NTN1: variants seen among roughly 807,000 people sequenced by gnomAD.
NTN1 encodes the protein netrin 1.
Under a neutral mutation model 54.2 loss-of-function variants are expected in NTN1, and 11 were observed. The ratio of observed to expected loss-of-function variants is 0.20; its 90% CI spans 0.13 to 0.34. The LOEUF (loss-of-function observed/expected upper bound fraction) is 0.34, where lower values mean the gene tolerates loss of function less well. Ranked by LOEUF, NTN1 falls within the 10% of genes least tolerant of loss-of-function variation. The pLI, the probability that NTN1 is intolerant of heterozygous loss-of-function variation, is 1.00. For missense variants in NTN1, 740 were observed against 893.1 expected, an observed-to-expected ratio of 0.83 and a Z score of 2.18; for synonymous variants, 371 against 382.0, an observed-to-expected ratio of 0.97 and a Z score of 0.33.
rs369638935 is a variant in NTN1 at position 9,106,320 on chromosome 17, T to G, written c.1019-56493T>G. On this transcript the variant is annotated intron_variant, in intron 2 of 6. Transcript: ENST00000173229. ...GTATCTTGGGGGCAGAATTTTTGTG[T>G]GAGTTATTATCAACCAAAGATGGTT... Among the ~76,000 whole-genome samples, 28 of 152,238 alleles carry G rather than the reference T, an allele frequency of 1.8e-4. 1 individual carries two copies. The highest frequency in any genetic ancestry group is 6.7e-4 in the African/African-American group (28 of 41,534).
At chr17:9,164,356 C>T (rs2092367690) in intron 3 of NTN1, among the ~76,000 whole-genome samples, 2 of 150,370 alleles carry the variant, frequency 1.3e-5, no homozygotes, top group Non-Finnish European at 2.9e-5. Context: ...GCCTGGGAGG[C>T]GGAGGTTGCA....
intron 3 of NTN1, among the ~76,000 whole-genome samples, chr17:9,168,847 G>T (rs1011102096): frequency 6.6e-6 from 1 of 152,082 alleles, no homozygotes; most frequent in Non-Finnish European, 1.5e-5. Flanking sequence ...TTTTTTGTGG[G>T]GGGTGCAGGG....
chr17:9,076,540 T>C (rs2092050495), intron 2 of NTN1, among the ~76,000 whole-genome samples: 1 of 151,946 alleles, frequency 6.6e-6, no homozygotes, highest in Non-Finnish European at 1.5e-5. Context: ...GCTCAGTGAA[T>C]TTTTCAAATT....
chr17:9,085,793 A>C (rs557218797), intron 2 of NTN1, among the ~76,000 whole-genome samples: 16 of 152,262 alleles, frequency 1.1e-4, no homozygotes, highest in African/African-American at 3.8e-4. Flanking sequence ...AGCACCTGCT[A>C]TGTGCCAGGA....
intron 2 of NTN1, among the ~76,000 whole-genome samples, chr17:9,123,863 A>G (rs2092238113): frequency 6.6e-6 from 1 of 152,160 alleles, no homozygotes; most frequent in Non-Finnish European, 1.5e-5. Context: ...GTAAGTGGTA[A>G]AACACCATGA....
intron 2 of NTN1, among the ~76,000 whole-genome samples, chr17:9,122,040 T>C (rs77268838): frequency 1.3e-5 from 1 of 77,834 alleles, no homozygotes; most frequent in Non-Finnish European, 2.7e-5. Context: ...TGAGTTACAT[T>C]TTTTTTTTTT....
intron 5 of NTN1, among the ~76,000 whole-genome samples, chr17:9,200,691 T>A (rs1173102741): frequency 6.6e-6 from 1 of 152,236 alleles, no homozygotes; most frequent in East Asian, 1.9e-4. Flanking sequence ...TGTCCATTTA[T>A]TCATTTTCTC....
intron 2 of NTN1, among the ~76,000 whole-genome samples, chr17:9,048,951 C>A (rs75281346): frequency 6.6e-6 from 1 of 152,134 alleles, no homozygotes; most frequent in African/African-American, 2.4e-5. Context: ...CCACCGCGCC[C>A]GGCGGAAAAT....
At position 9,219,169 on chromosome 17, in the gene NTN1, G is replaced by A. The variant is rs953555685; in HGVS notation, c.1412-1999G>A. The stretch of plus-strand genomic sequence containing the variant: ...GCGGCTGTTCCTCACAGGGAAGTGC[G>A]GCCGCGGTGCTGATGGTGCTGATGG... On this transcript the variant is annotated intron_variant, in intron 5 of 6. Transcript: ENST00000173229. The surrounding 1 kb of genome is among the most constrained non-coding windows in gnomAD (Gnocchi z 4.5). Among the ~76,000 whole-genome samples the A allele has an allele frequency of 2.6e-5, 4 of 152,174 alleles. No individual in the cohort carries two copies. The highest frequency in any genetic ancestry group is 4.4e-5 in the Non-Finnish European group (3 of 68,034).
Position 9,242,587 on chromosome 17 carries a change from G to A in NTN1, c.*2619G>A, listed in dbSNP as rs1166120964. 6.6e-6 allele frequency: 1 copy of A among 152,302 alleles called. No individual in the cohort carries two copies. Among genetic ancestry groups the A allele is most frequent in the African/African-American group, 2.4e-5 (1 of 41,468 alleles). The allele number at this position is 152,302 out of a possible 1,614,324, so 9.4% of individuals were successfully genotyped here. A position where few individuals can be genotyped will look rare whatever the true frequency, so the allele number is the denominator to read the frequency against. The stretch of plus-strand genomic sequence containing the variant: ...CACGCCAAGCAACAAGGCATCTTGC[G>A]GAAAATTCAGCCAGTGTCCTGCCCC... On this transcript the variant is annotated 3_prime_UTR_variant, in exon 7 of 7. Coordinates refer to ENST00000173229, the MANE Select transcript of NTN1 (RefSeq NM_004822.3).
At chr17:9,072,678 G>T (rs1298716161) in intron 2 of NTN1, among the ~76,000 whole-genome samples, 3 of 152,158 alleles carry the variant, frequency 2.0e-5, no homozygotes, top group Admixed American at 6.6e-5. Context: ...TGGGAGGCAG[G>T]GGTGGGAATA....
At chr17:9,193,651 G>A (rs561593123) in intron 5 of NTN1, among the ~76,000 whole-genome samples, 3 of 152,214 alleles carry the variant, frequency 2.0e-5, no homozygotes, top group South Asian at 2.1e-4. Flanking sequence ...GGCTGGGCAC[G>A]GTGGCTCACG....
At chr17:9,236,988 C>T (rs1006985242) in intron 6 of NTN1, among the ~76,000 whole-genome samples, 5 of 152,168 alleles carry the variant, frequency 3.3e-5, no homozygotes, top group African/African-American at 1.2e-4. Context: ...TAAGGCTAGG[C>T]CTTCTCCAGC....
At chr17:9,053,784 C>G (rs80019864) in intron 2 of NTN1, among the ~76,000 whole-genome samples, 1,544 of 152,334 alleles carry the variant, frequency 0.01, 29 homozygotes, top group African/African-American at 0.033. Context: ...TGAAGGAAAT[C>G]TGTGAACCCA....
chr17:9,010,894 A>G, the NTN1 span, among the ~76,000 whole-genome samples: 6 of 152,100 alleles, frequency 3.9e-5, no homozygotes, highest in Non-Finnish European at 8.8e-5. Flanking sequence ...TTATTATTAC[A>G]TGGTAATGTG....
At chr17:9,182,555 C>T (rs550431050) in intron 4 of NTN1, among the ~76,000 whole-genome samples, 2 of 152,366 alleles carry the variant, frequency 1.3e-5, no homozygotes, top group East Asian at 3.9e-4. Context: ...GCCCAGGTAG[C>T]CACATCACGA....
intron 5 of NTN1, among the ~76,000 whole-genome samples, chr17:9,203,851 C>T (rs1361575907): frequency 6.6e-6 from 1 of 151,912 alleles, no homozygotes; most frequent in Non-Finnish European, 1.5e-5. Context: ...AACTGAGGAC[C>T]AGAGAGTCTA....
intron 2 of NTN1, among the ~76,000 whole-genome samples, chr17:9,115,959 C>T (rs1177862599): frequency 6.6e-6 from 1 of 152,236 alleles, no homozygotes; most frequent in African/African-American, 2.4e-5. Flanking sequence ...GCCGAAGGGG[C>T]GGAGGCCCCA....
intron 2 of NTN1, among the ~76,000 whole-genome samples, chr17:9,063,553 GTT>G (rs61296086): frequency 2.1e-5 from 3 of 145,192 alleles, no homozygotes; most frequent in Non-Finnish European, 3.1e-5. Context: ...GCAGAGCAAA[GTT>G]TTTTTTTTTT....
Sources: gnomAD v4.1 joint callset for allele counts (sites outside exome capture counted in the v4.1 genomes callset) on GRCh38, gnomAD v4.1.1 for gene constraint, Gnocchi (gnomAD v3.1) non-coding constraint, MANE v1.5 for transcripts, NCBI Gene and HGNC (gene_info 2026-07-23, HGNC 2026-07-21) for gene names.